The following LRP1B variants were observed in gnomAD, a reference collection of about 807,000 sequenced individuals.
The protein encoded by LRP1B is LDL receptor related protein 1B, also known as low-density lipoprotein receptor-related protein 1B.
A neutral mutation model predicts 556.6 loss-of-function variants in LRP1B; 217 were observed. The ratio of observed to expected loss-of-function variants is 0.39; its 90% CI spans 0.35 to 0.44. LRP1B has a LOEUF of 0.44. LRP1B is among the 20% of genes least tolerant of loss of function. The probability of loss-of-function intolerance (pLI) is 1.00; values close to 1 mark genes in which losing one functional copy is unlikely to be tolerated. For missense variants in LRP1B, 5,053 were observed against 5,620.8 expected (o/e 0.90, Z 3.23); for synonymous variants, 2,047 against 1,865.8 (o/e 1.10, Z -2.50).
intron 41 of LRP1B, among the ~76,000 whole-genome samples, chr2:140,678,027 A>T: frequency 6.6e-6 from 1 of 152,184 alleles, no homozygotes; most frequent in Admixed American, 6.5e-5. Flanking sequence ...AGTGCTTAAT[A>T]ATTTGCAGAG....
intron 7 of LRP1B, among the ~76,000 whole-genome samples, chr2:141,178,612 A>G (rs1232908513): frequency 1.3e-5 from 2 of 152,094 alleles, no homozygotes; most frequent in African/African-American, 4.8e-5. Flanking sequence ...GCCAGAAGAG[A>G]AGATTTTGCA....
intron 1 of LRP1B, among the ~76,000 whole-genome samples, chr2:142,096,475 G>C (rs1706373763): frequency 6.7e-6 from 1 of 150,318 alleles, no homozygotes; most frequent in Non-Finnish European, 1.5e-5. Flanking sequence ...CTTCCAATGT[G>C]ATATTAATTA....
intron 1 of LRP1B, among the ~76,000 whole-genome samples, chr2:142,094,386 C>T (rs1446011431): frequency 6.6e-6 from 1 of 151,852 alleles, no homozygotes; most frequent in African/African-American, 2.4e-5. Context: ...AAGTATAAGA[C>T]GGTAATGGAT....
chr2:140,898,729 C>A (rs1452576013), intron 23 of LRP1B: 2 of 550,422 alleles, frequency 3.6e-6, no homozygotes, highest in Non-Finnish European at 7.0e-6. Flanking sequence ...CTGCCATCTA[C>A]CTTTGGGCAA....
At chr2:141,841,291 G>A (rs923889486) in intron 1 of LRP1B, among the ~76,000 whole-genome samples, 5 of 152,078 alleles carry the variant, frequency 3.3e-5, no homozygotes, top group Non-Finnish European at 5.9e-5. Context: ...TTAATTGGTG[G>A]ATATAGAAAA....
intron 20 of LRP1B, among the ~76,000 whole-genome samples, chr2:140,932,941 A>G (rs1048806415): frequency 1.3e-4 from 15 of 117,694 alleles, no homozygotes; most frequent in African/African-American, 3.2e-4. Context: ...ATATATACAC[A>G]TATACACATA....
intron 41 of LRP1B, among the ~76,000 whole-genome samples, chr2:140,663,811 T>C (rs1307619079): frequency 6.6e-6 from 1 of 152,250 alleles, no homozygotes; most frequent in East Asian, 1.9e-4. Flanking sequence ...AATCTGGCTT[T>C]TATTGCGTTT....
At chr2:141,342,254 A>AT (rs1559017702) in intron 3 of LRP1B, among the ~76,000 whole-genome samples, 6 of 132,740 alleles carry the variant, frequency 4.5e-5, no homozygotes, top group African/African-American at 1.8e-4. Context: ...AAAAAAAAAA[A>AT]AAATAAAATA....
At chr2:141,274,636 T>C (rs982671626) in intron 3 of LRP1B, among the ~76,000 whole-genome samples, 5 of 152,140 alleles carry the variant, frequency 3.3e-5, no homozygotes, top group African/African-American at 1.2e-4. Context: ...GCAGTGATGG[T>C]TGCACAACTA....
chr2:141,439,322 A>G (rs1267427957), intron 3 of LRP1B, among the ~76,000 whole-genome samples: 1 of 152,122 alleles, frequency 6.6e-6, no homozygotes, highest in African/African-American at 2.4e-5. Context: ...GGAAGGTAAC[A>G]AGCAAGAAGT....
At chr2:141,986,443 C>G (rs1015777884) in intron 1 of LRP1B, among the ~76,000 whole-genome samples, 1 of 151,878 alleles carries the variant, frequency 6.6e-6, no homozygotes. Context: ...TTCTGAGTAT[C>G]AGAGACAAGA....
At chr2:141,330,593 A>T (rs1012552423) in intron 3 of LRP1B, among the ~76,000 whole-genome samples, 2 of 152,126 alleles carry the variant, frequency 1.3e-5, no homozygotes, top group Non-Finnish European at 2.9e-5. Flanking sequence ...AAAGCTCCTC[A>T]AGTCTCCACT....
chr2:140,857,139 C>A (rs918682077), intron 27 of LRP1B, among the ~76,000 whole-genome samples: 2 of 152,064 alleles, frequency 1.3e-5, no homozygotes, highest in African/African-American at 2.4e-5. Context: ...TCCAAACAAC[C>A]AGTTTTTCCA....
intron 41 of LRP1B, among the ~76,000 whole-genome samples, chr2:140,654,477 T>C (rs868108281): frequency 2.0e-5 from 3 of 152,150 alleles, no homozygotes; most frequent in South Asian, 2.1e-4. Context: ...TAATCAAAAT[T>C]TGAAGATTGA....
intron 45 of LRP1B, among the ~76,000 whole-genome samples, chr2:140,537,004 T>C (rs1679933294): frequency 6.7e-6 from 1 of 150,366 alleles, no homozygotes; most frequent in Non-Finnish European, 1.5e-5. Flanking sequence ...AAACCCCGTC[T>C]ACTAAAAATA....
At chr2:142,064,624 T>C (rs7586417) in intron 1 of LRP1B, among the ~76,000 whole-genome samples, 32,329 of 151,374 alleles carry the variant, frequency 0.21, 3,739 homozygotes, top group South Asian at 0.45. Flanking sequence ...CTGCAACTAC[T>C]CTGTGCAATG....
Position 142,107,618 on chromosome 2 carries a change from CTT to C in LRP1B, c.82+23028_82+23029del, listed in dbSNP as rs747368091. On this transcript the variant is annotated intron_variant, in intron 1 of 90. Transcript: ENST00000389484. Reference sequence around the variant, plus strand: ...CTCATATAGGCATTCAATAATGTGTCTTTTGTTTTGTTTTGTTTTGTTGTTTT... The same window carrying C: ...CTCATATAGGCATTCAATAATGTGTCTTGTTTTGTTTTGTTTTGTTGTTTT... 3.1e-3 allele frequency among the ~76,000 whole-genome samples: 471 copies of C among 151,328 alleles called. 3 individuals carry two copies. Among genetic ancestry groups the C allele is most frequent in the Non-Finnish European group, 5.1e-3 (345 of 67,776 alleles).
chr2:140,305,384 T>C (rs1206613658), intron 83 of LRP1B, among the ~76,000 whole-genome samples: 1 of 152,178 alleles, frequency 6.6e-6, no homozygotes, highest in Non-Finnish European at 1.5e-5. Context: ...CCCTTGTAAG[T>C]TGGATTCCTA....
chr2:141,102,663 G>C (rs938131138), intron 7 of LRP1B, among the ~76,000 whole-genome samples: 6 of 151,716 alleles, frequency 4.0e-5, no homozygotes, highest in African/African-American at 1.2e-4. Context: ...AATAATATAG[G>C]AAGATAGAAA....
Sources: allele counts gnomAD v4.1 joint callset (sites outside exome capture counted in the v4.1 genomes callset), GRCh38; gene constraint gnomAD v4.1.1; transcripts MANE v1.5; gene names NCBI Gene and HGNC (gene_info 2026-07-23, HGNC 2026-07-21).